Variants in STRIP2 observed in about 807,000 individuals in gnomAD.
STRIP2 encodes the protein striatin-interacting protein 2.
Under a neutral mutation model 107.1 loss-of-function variants are expected in STRIP2, and 84 were observed. The observed-to-expected ratio is 0.78, with a 90% confidence interval of 0.66 to 0.94. The LOEUF (loss-of-function observed/expected upper bound fraction) is 0.94, where lower values mean the gene tolerates loss of function less well. STRIP2 is among the 40% of genes least tolerant of loss of function. The pLI is 0.00. For synonymous variants in STRIP2, 394 were observed against 400.4 expected, an observed-to-expected ratio of 0.98 and a Z score of 0.19; for missense variants, 888 against 1,034.2, an observed-to-expected ratio of 0.86 and a Z score of 1.94.
At chr7:129,435,189 C>T (rs1012953739) in intron 1 of STRIP2, among the ~76,000 whole-genome samples, 10 of 152,208 alleles carry the variant, frequency 6.6e-5, no homozygotes, top group African/African-American at 2.4e-4. Context: ...CTGAGCGAGA[C>T]GGGATTCAGG....
intron 18 of STRIP2, among the ~76,000 whole-genome samples, chr7:129,475,514 G>GT (rs1364044581): frequency 3.4e-4 from 48 of 140,590 alleles, no homozygotes; most frequent in African/African-American, 1.2e-3. Context: ...GTATCCCTGG[G>GT]TACTTGAGAT....
Position 129,451,138 on chromosome 7 carries a change from GTTT to G in STRIP2, c.275-470_275-468del, listed in dbSNP as rs1239420215. ...TTTTTAGTAGAGACGGGGTTTCACCGTTTTTTTAGCCGGGATGGTCTCAATCTC... is the reference window on the plus strand; with the variant it reads ...TTTTTAGTAGAGACGGGGTTTCACCGTTTTAGCCGGGATGGTCTCAATCTC... On this transcript the variant is annotated intron_variant, in intron 3 of 20. Transcript: ENST00000249344. 5.9e-5 allele frequency among the ~76,000 whole-genome samples: 9 copies of G among 151,526 alleles called. No individual in the cohort carries two copies. The East Asian group carries it at 1.7e-3, about 29-fold the overall frequency.
chr7:129,469,739 T>G (rs749118917), intron 17 of STRIP2, among the ~76,000 whole-genome samples: 2 of 152,278 alleles, frequency 1.3e-5, no homozygotes, highest in Non-Finnish European at 2.9e-5. Context: ...TGTTGCCTTT[T>G]ACTTGTATAG....
intron 18 of STRIP2, among the ~76,000 whole-genome samples, chr7:129,471,160 C>T (rs749935141): frequency 6.6e-6 from 1 of 152,068 alleles, no homozygotes; most frequent in Non-Finnish European, 1.5e-5. Context: ...GTCTAAGTCT[C>T]TCGGAGGCAA....
chr7:129,462,523 G>C (rs945107566), intron 13 of STRIP2, among the ~76,000 whole-genome samples: 2 of 152,208 alleles, frequency 1.3e-5, no homozygotes, highest in Non-Finnish European at 2.9e-5. Context: ...CTAATGGAGA[G>C]GGGAAGAAAA....
intron 12 of STRIP2, among the ~76,000 whole-genome samples, chr7:129,459,825 T>G (rs1299095112): frequency 1.3e-5 from 2 of 152,126 alleles, no homozygotes; most frequent in Non-Finnish European, 2.9e-5. Flanking sequence ...TTCCCATTCT[T>G]CTCTCTCTCT....
chr7:129,458,641 G>A lies in STRIP2; in HGVS notation c.1275-71G>A, dbSNP rs551161880. ...CCTCTGATTGGAGGGATAGGAGCCC[G>A]GAAAGTTTTTCTCTCTCAAAGTTTG... On this transcript the variant is annotated intron_variant, in intron 10 of 20. Coordinates refer to ENST00000249344, the MANE Select transcript of STRIP2 (RefSeq NM_020704.3). This position sits in a 1 kb window ranked among gnomAD's most constrained non-coding sequence, Gnocchi z 4.6. 26 of 1,548,668 alleles carry A rather than the reference G, an allele frequency of 1.7e-5. No homozygotes were observed. Among genetic ancestry groups the A allele is most frequent in the Admixed American group, 5.1e-5 (3 of 59,376 alleles).
chr7:129,444,246 A>G, intron 3 of STRIP2, 148 bp downstream of exon 3: 2 of 584,504 alleles, frequency 3.4e-6, no homozygotes, highest in East Asian at 3.0e-5. Context: ...AATATGATAA[A>G]TAGATAGATA....
chr7:129,445,478 T>G (rs910630920), intron 3 of STRIP2, among the ~76,000 whole-genome samples: 2 of 151,792 alleles, frequency 1.3e-5, no homozygotes, highest in African/African-American at 4.8e-5. Flanking sequence ...GAAGCAAAAA[T>G]TTTGCTACTA....
intron 2 of STRIP2, among the ~76,000 whole-genome samples, chr7:129,440,469 C>T (rs1287098916): frequency 6.6e-6 from 1 of 151,994 alleles, no homozygotes; most frequent in East Asian, 1.9e-4. Flanking sequence ...TTTCTGCTGC[C>T]CTCTTTCTAT....
intron 3 of STRIP2, among the ~76,000 whole-genome samples, chr7:129,449,933 A>G (rs1290505008): frequency 6.6e-6 from 1 of 152,210 alleles, no homozygotes; most frequent in Non-Finnish European, 1.5e-5. Context: ...ACTTCGGAGC[A>G]ACCAACCAGC....
chr7:129,460,247 T>A, intron 12 of STRIP2, 54 bp from the exon 13 acceptor site: 1 of 1,510,832 alleles, frequency 6.6e-7, no homozygotes, highest in South Asian at 1.2e-5. Context: ...AAGAGACTGG[T>A]ACACATGTGA....
chr7:129,434,436 G>A lies in STRIP2; in HGVS notation c.-37G>A. The A allele has an allele frequency of 6.9e-7, 1 of 1,449,734 alleles. No individual in the cohort carries two copies. The allele number at this position is 1,449,734 out of a possible 1,614,324, so 89.8% of individuals were successfully genotyped here. On this transcript the variant is annotated 5_prime_UTR_variant, in exon 1 of 21. Coordinates refer to ENST00000249344, the MANE Select transcript of STRIP2 (RefSeq NM_020704.3). ...CGGCGGTAGGGTCGCCTCCGGCAAA[G>A]CGAGCTGAACCCTGAGGGGAGCCGC...
At chr7:129,453,784 C>T (rs182288955) in intron 5 of STRIP2, among the ~76,000 whole-genome samples, 1 of 152,238 alleles carries the variant, frequency 6.6e-6, no homozygotes, top group African/African-American at 2.4e-5. Context: ...GCTACCACTA[C>T]AGTGACCCCT....
intron 18 of STRIP2, chr7:129,477,928 A>G (rs1799014114): frequency 1.9e-6 from 1 of 521,206 alleles, no homozygotes; most frequent in Non-Finnish European, 3.9e-6. Flanking sequence ...AGAAGTTATC[A>G]TTGAAATTAA....
intron 2 of STRIP2, among the ~76,000 whole-genome samples, chr7:129,440,368 T>TG (rs1182665258): frequency 6.6e-6 from 1 of 152,190 alleles, no homozygotes; most frequent in Non-Finnish European, 1.5e-5. Context: ...ATAACTGATT[T>TG]GGTGCACTCT....
chr7:129,437,087 A>T (rs1797759989), intron 1 of STRIP2, among the ~76,000 whole-genome samples: 1 of 152,220 alleles, frequency 6.6e-6, no homozygotes, highest in Admixed American at 6.5e-5. Flanking sequence ...ACAATTTAAA[A>T]CAGTGTTTTT....
At chr7:129,434,721 G>A in intron 1 of STRIP2, 120 bp downstream of exon 1, 1 of 1,190,326 alleles carries the variant, frequency 8.4e-7, no homozygotes, top group Non-Finnish European at 1.1e-6. Context: ...CCCGCGCAGT[G>A]GGCGCCTGCG....
chr7:129,480,074 T>C lies in STRIP2; in HGVS notation c.1945-711T>C, dbSNP rs574851320. The stretch of plus-strand genomic sequence containing the variant: ...GCTGTCACGTGTGCTCATTGAGTTA[T>C]ATAGCTTCTGACACCAGTATGTATT... On this transcript the variant is annotated intron_variant, in intron 18 of 20. Transcript: ENST00000249344. 1.6e-4 allele frequency among the ~76,000 whole-genome samples: 25 copies of C among 152,350 alleles called. No homozygotes were observed. The South Asian group carries it at 1.7e-3, about 10-fold the overall frequency.
Sources: gnomAD v4.1 joint callset for allele counts (sites outside exome capture counted in the v4.1 genomes callset) on GRCh38, gnomAD v4.1.1 for gene constraint, Gnocchi (gnomAD v3.1) non-coding constraint, MANE v1.5 for transcripts, NCBI Gene and HGNC (gene_info 2026-07-23, HGNC 2026-07-21) for gene names.